Variants in FGF3 observed in about 807,000 individuals in gnomAD.
The protein encoded by FGF3 is FGF-3.
Under a neutral mutation model 9.8 loss-of-function variants are expected in FGF3, and 7 were observed. That is an observed-to-expected ratio of 0.72 (90% CI 0.41 to 1.35). The LOEUF is 1.35. FGF3 is among the 40% of genes most tolerant of loss of function. The pLI is 0.01. For synonymous variants in FGF3, 173 were observed against 157.2 expected, an observed-to-expected ratio of 1.10 and a Z score of -0.75; for missense variants, 390 against 345.6, an observed-to-expected ratio of 1.13 and a Z score of -1.02.
chr11:69,816,362 C>T lies in FGF3; in HGVS notation c.282G>A (p.Gly94=). 2 of 1,614,128 alleles carry T rather than the reference C, an allele frequency of 1.2e-6. No homozygotes were observed. The highest frequency in any genetic ancestry group is 1.7e-6 in the Non-Finnish European group (2 of 1,180,006). ...CCCTCTTGTTCATGGCCAGGTACCG[C>T]CCGGAGAAGAGACCCCTGATGGCCA... ...GIVAIRGLFS[G]RYLAMNKRGR... The change falls in exon 2 of 3, where the codon GGG becomes GGA. Residue 94 remains glycine (G), a synonymous_variant. Transcript: ENST00000334134.
intron 1 of FGF3, among the ~76,000 whole-genome samples, chr11:69,816,826 G>A (rs919559094): frequency 6.6e-5 from 10 of 152,318 alleles, no homozygotes; most frequent in Admixed American, 5.2e-4. Context: ...AAGCCCTGGC[G>A]GCAGCCATGG....
rs1387906058 is a variant in FGF3, at chr11:69,810,357, G to A, written c.668C>T (p.Ser223Phe). Residue 223 changes from serine (S) to phenylalanine (F), a missense_variant, in exon 3 of 3, where the codon TCT becomes TTT. Ser to Phe is a radical substitution (Grantham distance 155, BLOSUM62 -2). Transcript: ENST00000334134. ...QKQSPDNLEP[S>F]HVQASRLGSQ... Reference sequence around the variant, plus strand: ...GCCCAGTCTCGAAGCCTGAACGTGAGAGGGCTCCAGGTTATCCGGGCTCTG... The same window carrying A: ...GCCCAGTCTCGAAGCCTGAACGTGAAAGGGCTCCAGGTTATCCGGGCTCTG... 2 of 1,567,462 alleles carry A rather than the reference G, an allele frequency of 1.3e-6. No homozygotes were observed. Among genetic ancestry groups the A allele is most frequent in the Admixed American group, 1.8e-5 (1 of 55,634 alleles).
chr11:69,818,247 G>A (rs186236192), intron 1 of FGF3, among the ~76,000 whole-genome samples: 1 of 152,168 alleles, frequency 6.6e-6, no homozygotes, highest in African/African-American at 2.4e-5. Context: ...AGGAGGAGGA[G>A]AAGTCGTCAA....
At chr11:69,817,411 G>C (rs989056110) in intron 1 of FGF3, 2 of 152,336 alleles carry the variant, frequency 1.3e-5, no homozygotes, top group Non-Finnish European at 2.9e-5. Context: ...CCGGGGACCA[G>C]CGAAGCACGA....
rs1855996336 is a variant in FGF3 at position 69,810,018 on chromosome 11, G to A, written c.*287C>T. On this transcript the variant is annotated 3_prime_UTR_variant, in exon 3 of 3. Coordinates refer to ENST00000334134, the MANE Select transcript of FGF3 (RefSeq NM_005247.4). ...ATGACACAAAGCCCCACACTGCCCCGCTGCTCCTGGGAGGCTCCTCAGTCT... is the reference window on the plus strand; with the variant it reads ...ATGACACAAAGCCCCACACTGCCCCACTGCTCCTGGGAGGCTCCTCAGTCT... The A allele has an allele frequency of 1.4e-5, 6 of 431,064 alleles. No homozygotes were observed. The East Asian group carries it at 2.1e-4, about 15-fold the overall frequency. The allele number at this position is 431,064 out of a possible 1,614,324, so 26.7% of individuals were successfully genotyped here.
At position 69,819,398 on chromosome 11, in the gene FGF3, C is replaced by T. The variant is rs1197489398; in HGVS notation, c.-465G>A. ...CGCTCCGCAGCGCGCCCCACGCCCC[C>T]GAAAGCCCTCCTGGCTCTGAAAGGT... On this transcript the variant is annotated 5_prime_UTR_variant, in exon 1 of 3. Coordinates refer to ENST00000334134, the MANE Select transcript of FGF3 (RefSeq NM_005247.4). Among the ~76,000 whole-genome samples the T allele has an allele frequency of 6.6e-6, 1 of 151,884 alleles. No homozygotes were observed. Among genetic ancestry groups the T allele is most frequent in the Non-Finnish European group, 1.5e-5 (1 of 67,916 alleles).
chr11:69,818,996 G>T lies in FGF3; in HGVS notation c.-63C>A. Reference sequence around the variant, plus strand: ...AGGCGAGCGCGGCGCCCATGGAAGGGGCGGCAGCCGGACAGCTGCGAGGTG... The same window carrying T: ...AGGCGAGCGCGGCGCCCATGGAAGGTGCGGCAGCCGGACAGCTGCGAGGTG... On this transcript the variant is annotated 5_prime_UTR_variant, in exon 1 of 3. Coordinates refer to ENST00000334134, the MANE Select transcript of FGF3 (RefSeq NM_005247.4). 1 of 1,138,130 alleles carries T rather than the reference G, an allele frequency of 8.8e-7. No individual in the cohort carries two copies. Among genetic ancestry groups the T allele is most frequent in the Non-Finnish European group, 1.2e-6 (1 of 841,352 alleles). The allele number at this position is 1,138,130 out of a possible 1,614,324, so 70.5% of individuals were successfully genotyped here. A position where few individuals can be genotyped will look rare whatever the true frequency, so the allele number is the denominator to read the frequency against.
chr11:69,810,262 C>G lies in FGF3; in HGVS notation c.*43G>C. ...GAGTCAGAGTCAAGAGGCTGCCACG[C>G]CAAGATGTCGCCAGGAGCTCTGGCG... On this transcript the variant is annotated 3_prime_UTR_variant, in exon 3 of 3. Coordinates refer to ENST00000334134, the MANE Select transcript of FGF3 (RefSeq NM_005247.4). 6.6e-7 allele frequency: 1 copy of G among 1,510,596 alleles called. No individual in the cohort carries two copies. The highest frequency in any genetic ancestry group is 2.5e-5 in the East Asian group (1 of 40,812). 93.6% of individuals were successfully genotyped at this position (1,510,596 alleles called of 1,614,324 possible). A position where few individuals can be genotyped will look rare whatever the true frequency, so the allele number is the denominator to read the frequency against.
rs918895459 is a variant in FGF3, at chr11:69,818,962, G to C, written c.-29C>G. ...GGCATCGCGCCCGCCCCGCGGCGGCGGCGGCTGCAGGCGAGCGCGGCGCCC... is the reference window on the plus strand; with the variant it reads ...GGCATCGCGCCCGCCCCGCGGCGGCCGCGGCTGCAGGCGAGCGCGGCGCCC... On this transcript the variant is annotated 5_prime_UTR_variant, in exon 1 of 3. Coordinates refer to ENST00000334134, the MANE Select transcript of FGF3 (RefSeq NM_005247.4). 2 of 1,405,746 alleles carry C rather than the reference G, an allele frequency of 1.4e-6. No individual in the cohort carries two copies. Among genetic ancestry groups the C allele is most frequent in the Middle Eastern group, 2.5e-4 (1 of 3,986 alleles). 87.1% of individuals were successfully genotyped at this position (1,405,746 alleles called of 1,614,324 possible).
At chr11:69,812,182 CAGGGAGG>C (rs1391777693) in intron 2 of FGF3, among the ~76,000 whole-genome samples, 1 of 152,098 alleles carries the variant, frequency 6.6e-6, no homozygotes, top group Admixed American at 6.5e-5. Flanking sequence ...GGACTGGCCG[CAGGGAGG>C]AGTCGGAGGC....
chr11:69,817,406 G>A (rs1019235505), intron 1 of FGF3: 17 of 152,422 alleles, frequency 1.1e-4, no homozygotes, highest in Middle Eastern at 6.8e-3. Context: ...CCTGACCGGG[G>A]ACCAGCGAAG....
intron 2 of FGF3, among the ~76,000 whole-genome samples, chr11:69,814,862 A>T (rs906562310): frequency 6.6e-6 from 1 of 152,154 alleles, no homozygotes; most frequent in Admixed American, 6.5e-5. Flanking sequence ...GTGGGCTCTG[A>T]ACCACTGGGA....
At chr11:69,812,203 C>T (rs1856040408) in intron 2 of FGF3, among the ~76,000 whole-genome samples, 1 of 152,144 alleles carries the variant, frequency 6.6e-6, no homozygotes, top group Non-Finnish European at 1.5e-5. Context: ...CGGAGGCCCT[C>T]ATGGTCTGTC....
chr11:69,812,684 C>G lies in FGF3; in HGVS notation c.325-1984G>C, dbSNP rs2119913369. ...TCCCCACCCCACACACTGGGTACAC[C>G]ATGTTAGTGTCTGGCTCCCATGGCA... On this transcript the variant is annotated intron_variant, in intron 2 of 2. Transcript: ENST00000334134. Among the ~76,000 whole-genome samples, 2 of 152,260 alleles carry G rather than the reference C, an allele frequency of 1.3e-5. 1 individual carries two copies. The highest frequency in any genetic ancestry group is 4.8e-5 in the African/African-American group (2 of 41,542).
At chr11:69,814,725 C>A (rs1688691814) in intron 2 of FGF3, among the ~76,000 whole-genome samples, 1 of 152,162 alleles carries the variant, frequency 6.6e-6, no homozygotes, top group South Asian at 2.1e-4. Flanking sequence ...AACTTCTCCA[C>A]TGGGCACTCT....
Position 69,818,997 on chromosome 11 carries a change from G to T in FGF3, c.-64C>A, listed in dbSNP as rs1856193954. The stretch of plus-strand genomic sequence containing the variant: ...GGCGAGCGCGGCGCCCATGGAAGGG[G>T]CGGCAGCCGGACAGCTGCGAGGTGC... On this transcript the variant is annotated 5_prime_UTR_variant, in exon 1 of 3. Coordinates refer to ENST00000334134, the MANE Select transcript of FGF3 (RefSeq NM_005247.4). 1 of 1,139,140 alleles carries T rather than the reference G, an allele frequency of 8.8e-7. No homozygotes were observed. The highest frequency in any genetic ancestry group is 1.2e-6 in the Non-Finnish European group (1 of 842,318). 70.6% of individuals were successfully genotyped at this position (1,139,140 alleles called of 1,614,324 possible).
At position 69,816,364 on chromosome 11, in the gene FGF3, C is replaced by A. The variant is rs782507721; in HGVS notation, c.280G>T (p.Gly94Trp). 6.2e-7 allele frequency: 1 copy of A among 1,614,106 alleles called. No homozygotes were observed. Among genetic ancestry groups the A allele is most frequent in the Non-Finnish European group, 8.5e-7 (1 of 1,180,000 alleles). ...GIVAIRGLFSGRYLAMNKRGR... is the reference protein window; with the variant it reads ...GIVAIRGLFSWRYLAMNKRGR... ...CTCTTGTTCATGGCCAGGTACCGCC[C>A]GGAGAAGAGACCCCTGATGGCCACA... The change falls in exon 2 of 3, where the codon GGG (glycine) becomes TGG (tryptophan). Residue 94 changes from glycine to tryptophan, a missense_variant. Physicochemically the swap from Gly to Trp is radical, Grantham distance 184. Coordinates refer to ENST00000334134, the MANE Select transcript of FGF3 (RefSeq NM_005247.4).
intron 1 of FGF3, 35 bp downstream of exon 1, chr11:69,818,679 G>A (rs1283777012): frequency 2.1e-6 from 3 of 1,425,882 alleles, no homozygotes; most frequent in Admixed American, 5.2e-5. Flanking sequence ...TCCCGGCGCC[G>A]CTTCCCCCGG....
chr11:69,816,328 A>G lies in FGF3; in HGVS notation c.316T>C (p.Tyr106His), dbSNP rs782160613. ...YLAMNKRGRLYASEHYSAECE... is the reference protein window; with the variant it reads ...YLAMNKRGRLHASEHYSAECE... ...TGACAGCCTGGACTCACCGAAGCAT[A>G]GAGTCGTCCCCTCTTGTTCATGGCC... The change falls in exon 2 of 3, where the codon TAT becomes CAT. Residue 106 changes from tyrosine (Y) to histidine (H), a missense_variant. Transcript: ENST00000334134. 3 of 1,613,360 alleles carry G rather than the reference A, an allele frequency of 1.9e-6. No individual in the cohort carries two copies. The highest frequency in any genetic ancestry group is 8.5e-7 in the Non-Finnish European group (1 of 1,179,292).
Sources: gnomAD v4.1 joint callset for allele counts (sites outside exome capture counted in the v4.1 genomes callset) on GRCh38, gnomAD v4.1.1 for gene constraint, MANE v1.5 for transcripts, NCBI Gene and HGNC (gene_info 2026-07-23, HGNC 2026-07-21) for gene names.